RGS7: variants seen among roughly 807,000 people sequenced by gnomAD.
RGS7 encodes the protein regulator of G protein signaling 7.
Under a neutral mutation model 81.1 loss-of-function variants are expected in RGS7, and 27 were observed. That is an observed-to-expected ratio of 0.33 (90% CI 0.25 to 0.46). The LOEUF (loss-of-function observed/expected upper bound fraction) is 0.46, where lower values mean the gene tolerates loss of function less well. RGS7 is among the 20% of genes least tolerant of loss of function. RGS7 has a pLI of 1.00. For missense variants in RGS7, 396 were observed against 607.4 expected (o/e 0.65, Z 3.66); for synonymous variants, 208 against 207.7 (o/e 1.00, Z -0.01).
intron 2 of RGS7, among the ~76,000 whole-genome samples, chr1:241,203,730 G>A (rs2073684732): frequency 6.6e-6 from 1 of 152,036 alleles, no homozygotes; most frequent in South Asian, 2.1e-4. Context: ...CCAAACCAGT[G>A]CCATAACTCC....
At chr1:240,790,589 A>T (rs1191226269) in intron 18 of RGS7, among the ~76,000 whole-genome samples, 1 of 152,228 alleles carries the variant, frequency 6.6e-6, no homozygotes, top group East Asian at 1.9e-4. Flanking sequence ...GGCTTCAGGA[A>T]ATAGAACTAG....
chr1:240,806,394 C>T (rs533089062), intron 14 of RGS7, 68 bp from the exon 15 acceptor site: 176 of 1,477,810 alleles, frequency 1.2e-4, no homozygotes, highest in South Asian at 2.6e-4. Flanking sequence ...GTGACATTTA[C>T]GGATCATGCA....
intron 2 of RGS7, among the ~76,000 whole-genome samples, chr1:241,310,422 AGTGTATGTGTGTCT>A (rs1263829549): frequency 6.8e-6 from 1 of 147,962 alleles, no homozygotes; most frequent in Non-Finnish European, 1.5e-5. Context: ...TGTGTGTGAG[AGTGTATGTGTGTCT>A]GTGTGTGTGA....
At chr1:241,338,784 C>G (rs2082377444) in intron 2 of RGS7, among the ~76,000 whole-genome samples, 1 of 151,172 alleles carries the variant, frequency 6.6e-6, no homozygotes, top group Non-Finnish European at 1.5e-5. Context: ...ACTTGTAAAT[C>G]TGTTTACCCT....
intron 3 of RGS7, among the ~76,000 whole-genome samples, chr1:240,983,635 T>G (rs207461327): frequency 6.6e-6 from 1 of 152,210 alleles, no homozygotes; most frequent in Non-Finnish European, 1.5e-5. Context: ...GTCTTCCCAC[T>G]ATTTTTAAGA....
chr1:240,936,166 T>C (rs1013275970), intron 5 of RGS7, among the ~76,000 whole-genome samples: 6 of 152,154 alleles, frequency 3.9e-5, no homozygotes, highest in Admixed American at 3.3e-4. Context: ...CTTTACAGAT[T>C]TGTAGAAGAG....
At chr1:241,202,043 CACACAG>C (rs1409266115) in intron 2 of RGS7, among the ~76,000 whole-genome samples, 1 of 144,600 alleles carries the variant, frequency 6.9e-6, no homozygotes. Context: ...CACACACACA[CACACAG>C]AGACACCCTA....
intron 2 of RGS7, among the ~76,000 whole-genome samples, chr1:241,129,457 C>T (rs1253072720): frequency 6.6e-6 from 1 of 152,200 alleles, no homozygotes; most frequent in Non-Finnish European, 1.5e-5. Flanking sequence ...CACATTTTTA[C>T]ATGCCTGTGC....
chr1:241,255,063 A>G (rs1424411073), intron 2 of RGS7, among the ~76,000 whole-genome samples: 1 of 152,212 alleles, frequency 6.6e-6, no homozygotes, highest in Admixed American at 6.5e-5. Flanking sequence ...TAATCTCAGA[A>G]ACTAGCTTGC....
chr1:241,103,104 T>C (rs2064878369), intron 2 of RGS7, among the ~76,000 whole-genome samples: 1 of 151,802 alleles, frequency 6.6e-6, no homozygotes, highest in African/African-American at 2.4e-5. Context: ...TTTGGGGCAA[T>C]TTAGTCTAAG....
chr1:240,971,285 T>C (rs1381845312), intron 4 of RGS7, among the ~76,000 whole-genome samples: 1 of 152,198 alleles, frequency 6.6e-6, no homozygotes, highest in African/African-American at 2.4e-5. Context: ...TTTCCCAAAC[T>C]GTGAGAAATA....
At chr1:241,160,125 A>AAAAAAAG (rs1553271928) in intron 2 of RGS7, among the ~76,000 whole-genome samples, 169 of 141,220 alleles carry the variant, frequency 1.2e-3, no homozygotes, top group East Asian at 2.4e-3. Flanking sequence ...AAAAAAAAAA[A>AAAAAAAG]AAAAAGAAAA....
chr1:241,288,111 G>A (rs769143094), intron 2 of RGS7, among the ~76,000 whole-genome samples: 7 of 152,290 alleles, frequency 4.6e-5, no homozygotes, highest in South Asian at 4.1e-4. Flanking sequence ...AGAACCTTAC[G>A]ACAAATAGTG....
At position 240,955,566 on chromosome 1, in the gene RGS7, A is replaced by C. The variant is rs1558520010; in HGVS notation, c.227-18860T>G. 5.9e-3 allele frequency among the ~76,000 whole-genome samples: 31 copies of C among 5,264 alleles called. 11 individuals carry two copies. Among genetic ancestry groups the C allele is most frequent in the Non-Finnish European group, 8.5e-3 (14 of 1,646 alleles). The allele number at this position is 5,264 out of a possible 152,430, so 3.5% of individuals were successfully genotyped here. A position where few individuals can be genotyped will look rare whatever the true frequency, so the allele number is the denominator to read the frequency against. ...GACTCTGTCTCAAAAAAAAAAAAAAAAAAAAAAAAAAAAAAAACCGATTTG... is the reference window on the plus strand; with the variant it reads ...GACTCTGTCTCAAAAAAAAAAAAAACAAAAAAAAAAAAAAAAACCGATTTG... On this transcript the variant is annotated intron_variant, in intron 4 of 18. Coordinates refer to ENST00000440928, the MANE Select transcript of RGS7 (RefSeq NM_001364886.1).
intron 2 of RGS7, among the ~76,000 whole-genome samples, chr1:241,265,871 C>T (rs888461533): frequency 1.4e-5 from 2 of 147,792 alleles, no homozygotes; most frequent in Non-Finnish European, 3.0e-5. Flanking sequence ...CTCGGCTCAA[C>T]GCAACCTCCG....
chr1:241,173,015 T>A (rs2070842196), intron 2 of RGS7, among the ~76,000 whole-genome samples: 2 of 152,188 alleles, frequency 1.3e-5, no homozygotes, highest in East Asian at 1.9e-4. Flanking sequence ...CAATTTTTTT[T>A]AAAGACATGA....
At chr1:240,877,007 C>G (rs1428185427) in intron 6 of RGS7, among the ~76,000 whole-genome samples, 1 of 152,022 alleles carries the variant, frequency 6.6e-6, no homozygotes, top group Non-Finnish European at 1.5e-5. Context: ...CTAGGACTTG[C>G]TTTTCTAGGA....
intron 2 of RGS7, among the ~76,000 whole-genome samples, chr1:241,240,876 T>C (rs1263241538): frequency 6.6e-6 from 1 of 152,210 alleles, no homozygotes; most frequent in Non-Finnish European, 1.5e-5. Flanking sequence ...GCTCATATTT[T>C]GCACTCTTCT....
At chr1:241,347,383 C>A (rs957978138) in intron 2 of RGS7, among the ~76,000 whole-genome samples, 10 of 152,172 alleles carry the variant, frequency 6.6e-5, no homozygotes, top group African/African-American at 2.4e-4. Flanking sequence ...TCCTTTGACC[C>A]TTCATGACTA....
Sources: gnomAD v4.1 joint callset for allele counts (sites outside exome capture counted in the v4.1 genomes callset) on GRCh38, gnomAD v4.1.1 for gene constraint, MANE v1.5 for transcripts, NCBI Gene and HGNC (gene_info 2026-07-23, HGNC 2026-07-21) for gene names.